Variants in PCDHA1 observed in about 807,000 individuals in gnomAD.
The protein encoded by PCDHA1 is protocadherin alpha-1.
PCDHA1 carries 42 observed loss-of-function variants against 61.3 expected under a neutral mutation model. That is an observed-to-expected ratio of 0.69 (90% CI 0.54 to 0.89). The LOEUF is 0.89. PCDHA1 is among the 40% of genes least tolerant of loss of function. The pLI is 0.00. For synonymous variants in PCDHA1, 610 were observed against 553.8 expected (o/e 1.10, Z -1.43); for missense variants, 1,256 against 1,235.3 (o/e 1.02, Z -0.25).
At position 140,849,753 on chromosome 5, in the gene PCDHA1, G is replaced by A. The variant is rs1294538786; in HGVS notation, c.2394+61069G>A. 17 of 1,598,282 alleles carry A rather than the reference G, an allele frequency of 1.1e-5. 1 individual carries two copies. Among genetic ancestry groups the A allele is most frequent in the Non-Finnish European group, 1.4e-5 (16 of 1,167,970 alleles). ...AGCTCTGGACCGCGAGAGTGTGTCC[G>A]CCTACGAGCTGGTGGTTACCGCGCG... On this transcript the variant is annotated intron_variant, in intron 1 of 3. Coordinates refer to ENST00000504120, the MANE Select transcript of PCDHA1 (RefSeq NM_018900.4).
chr5:140,821,946 G>T, intron 1 of PCDHA1: 1 of 1,614,176 alleles, frequency 6.2e-7, no homozygotes, highest in Non-Finnish European at 8.5e-7. Flanking sequence ...AGCTGGCGGA[G>T]CTGGTGCCGC....
At chr5:140,992,319 T>C (rs1474763849) in intron 3 of PCDHA1, among the ~76,000 whole-genome samples, 1 of 152,174 alleles carries the variant, frequency 6.6e-6, no homozygotes, top group Admixed American at 6.6e-5. Context: ...GGGCATTCCC[T>C]TTTCTAAGAG....
rs782735155 is a variant in PCDHA1 at position 140,787,652 on chromosome 5, G to A, written c.1362G>A (p.Ala454=). 2.5e-6 allele frequency: 4 copies of A among 1,613,924 alleles called. No individual in the cohort carries two copies. Among genetic ancestry groups the A allele is most frequent in the East Asian group, 2.2e-5 (1 of 44,884 alleles). The change falls in exon 1 of 4, where the codon GCG becomes GCA. Residue 454 remains alanine, a synonymous_variant. Coordinates refer to ENST00000504120, the MANE Select transcript of PCDHA1 (RefSeq NM_018900.4). The part of the protein sequence containing the change: ...EVADVNDNAP[A]FAQPEYTVFV... ...CCGACGTGAATGACAACGCGCCTGCGTTCGCGCAGCCCGAGTACACAGTAT... is the reference window on the plus strand; with the variant it reads ...CCGACGTGAATGACAACGCGCCTGCATTCGCGCAGCCCGAGTACACAGTAT...
chr5:140,845,410 G>A (rs1316753115), intron 1 of PCDHA1, among the ~76,000 whole-genome samples: 3 of 149,216 alleles, frequency 2.0e-5, no homozygotes, highest in South Asian at 4.2e-4. Context: ...ATTGTATTTG[G>A]CAATTTATCA....
At chr5:140,881,224 A>G (rs1254771945) in intron 1 of PCDHA1, 1 of 264,386 alleles carries the variant, frequency 3.8e-6, no homozygotes, top group Non-Finnish European at 5.9e-6. Context: ...TTCTTGGAAA[A>G]TTAAAGTCAA....
chr5:140,849,396 G>A (rs1554142933), intron 1 of PCDHA1: 1 of 1,544,756 alleles, frequency 6.5e-7, no homozygotes, highest in Non-Finnish European at 8.8e-7. Context: ...CTTAAGTGGG[G>A]CAATCACAGT....
At chr5:140,890,917 G>C (rs1465334645) in intron 1 of PCDHA1, among the ~76,000 whole-genome samples, 3 of 152,116 alleles carry the variant, frequency 2.0e-5, no homozygotes, top group Non-Finnish European at 4.4e-5. Context: ...AATAATTTGA[G>C]AGTTTCCTTT....
chr5:140,796,508 G>A (rs1554119952), intron 1 of PCDHA1: 1 of 1,612,424 alleles, frequency 6.2e-7, no homozygotes, highest in South Asian at 1.1e-5. Context: ...GCGGAGAGCG[G>A]CAAGGTGTAC....
Position 140,883,341 on chromosome 5 carries a change from C to A in PCDHA1, c.2394+94657C>A, listed in dbSNP as rs144000682. The A allele has an allele frequency of 4.3e-5, 70 of 1,614,144 alleles. No homozygotes were observed. The African/African-American group carries it at 9.1e-4, about 21-fold the overall frequency. The stretch of plus-strand genomic sequence containing the variant: ...GTTACCATCACTTCTTTGTCACTCC[C>A]CATCAGAGAAGACACTCAGCCTAGC... On this transcript the variant is annotated intron_variant, in intron 1 of 3. Transcript: ENST00000504120.
intron 1 of PCDHA1, among the ~76,000 whole-genome samples, chr5:140,921,231 T>C (rs1171159325): frequency 3.3e-5 from 5 of 152,122 alleles, no homozygotes; most frequent in African/African-American, 4.8e-5. Context: ...TGCTAGATGA[T>C]ATTAAGCCAC....
chr5:140,786,796 C>A lies in PCDHA1; in HGVS notation c.506C>A (p.Thr169Lys). The part of the protein sequence containing the change: ...DADIGANALL[T>K]YTLSPSDYFS... ...GACATTGGTGCTAACGCTCTTCTAA[C>A]GTACACGCTCAGCCCGAGTGATTAT... The change falls in exon 1 of 4, where the codon ACG (threonine) becomes AAG (lysine). Residue 169 changes from threonine (T) to lysine (K), a missense_variant. By Grantham distance (78) the Thr-to-Lys change is moderately conservative. Transcript: ENST00000504120. 1 of 1,614,212 alleles carries A rather than the reference C, an allele frequency of 6.2e-7. No homozygotes were observed. Among genetic ancestry groups the A allele is most frequent in the South Asian group, 1.1e-5 (1 of 91,078 alleles).
At chr5:140,804,855 A>G in intron 1 of PCDHA1, 1 of 522,514 alleles carries the variant, frequency 1.9e-6, no homozygotes, top group Non-Finnish European at 3.3e-6. Flanking sequence ...GAGGTCTAAC[A>G]CGTAAAATAG....
At chr5:140,999,993 G>A (rs529237834) in intron 3 of PCDHA1, among the ~76,000 whole-genome samples, 1 of 152,114 alleles carries the variant, frequency 6.6e-6, no homozygotes, top group African/African-American at 2.4e-5. Flanking sequence ...CTGGGTAGTG[G>A]TATTAGATTG....
At chr5:140,903,487 A>G (rs2070330722) in intron 1 of PCDHA1, among the ~76,000 whole-genome samples, 1 of 152,242 alleles carries the variant, frequency 6.6e-6, no homozygotes, top group South Asian at 2.1e-4. Context: ...TATAGTTCTG[A>G]GCAGGTACCA....
chr5:140,849,581 C>A, intron 1 of PCDHA1: 7 of 1,598,698 alleles, frequency 4.4e-6, no homozygotes, highest in African/African-American at 2.7e-5. Flanking sequence ...TAAAAGAGGA[C>A]GCACAACTGG....
chr5:140,907,298 A>G (rs138771358), intron 1 of PCDHA1, among the ~76,000 whole-genome samples: 4 of 152,162 alleles, frequency 2.6e-5, no homozygotes, highest in Non-Finnish European at 4.4e-5. Flanking sequence ...CTGCTTCAGG[A>G]TGATGGGGAA....
chr5:140,983,308 T>C (rs2153831139), intron 3 of PCDHA1, among the ~76,000 whole-genome samples: 1 of 152,322 alleles, frequency 6.6e-6, no homozygotes, highest in East Asian at 1.9e-4. Context: ...CACATTTGCT[T>C]GGTATCCTTA....
chr5:140,949,335 C>T (rs1388078558), intron 1 of PCDHA1, among the ~76,000 whole-genome samples: 1 of 151,586 alleles, frequency 6.6e-6, no homozygotes, highest in Non-Finnish European at 1.5e-5. Flanking sequence ...TATTGTTATC[C>T]AGATTTTCTG....
Position 140,920,446 on chromosome 5 carries a change from A to G in PCDHA1, c.2395-58503A>G, listed in dbSNP as rs2079636964. 2.6e-5 allele frequency among the ~76,000 whole-genome samples: 4 copies of G among 152,114 alleles called. No homozygotes were observed. In the South Asian group the frequency reaches 8.3e-4, roughly 31 times the overall value. On this transcript the variant is annotated intron_variant, in intron 1 of 3. Coordinates refer to ENST00000504120, the MANE Select transcript of PCDHA1 (RefSeq NM_018900.4). ...CTCCCACACACCTCTTTTATACTGT[A>G]ATTGACAAATTTGTTATATTTCTGT...
Sources: allele counts gnomAD v4.1 joint callset (sites outside exome capture counted in the v4.1 genomes callset), GRCh38; gene constraint gnomAD v4.1.1; transcripts MANE v1.5; gene names NCBI Gene and HGNC (gene_info 2026-07-23, HGNC 2026-07-21).